The following SLCO2A1 variants were observed in gnomAD, a reference collection of about 807,000 sequenced individuals.
SLCO2A1 encodes solute carrier organic anion transporter family member 2A1.
In SLCO2A1, 60 loss-of-function variants were observed where a neutral mutation model predicts 71.7. That is an observed-to-expected ratio of 0.84 (90% CI 0.68 to 1.04). SLCO2A1 has a LOEUF of 1.04. Among genes scored for constraint, SLCO2A1 ranks in the 50% least tolerant of loss-of-function variants. The probability of loss-of-function intolerance (pLI) is 0.00; values close to 1 mark genes in which losing one functional copy is unlikely to be tolerated. For missense variants in SLCO2A1, 745 were observed against 813.4 expected (o/e 0.92, Z 1.02); for synonymous variants, 308 against 326.7 (o/e 0.94, Z 0.62).
Position 133,941,759 on chromosome 3 carries a change from G to C in SLCO2A1, c.1625+846C>G, listed in dbSNP as rs1257347909. Among the ~76,000 whole-genome samples, 4 of 152,006 alleles carry C rather than the reference G, an allele frequency of 2.6e-5. No homozygotes were observed. The East Asian group carries it at 7.7e-4, about 29-fold the overall frequency. On this transcript the variant is annotated intron_variant, in intron 11 of 13. Coordinates refer to ENST00000310926, the MANE Select transcript of SLCO2A1 (RefSeq NM_005630.3). ...TTGGTCCTGGAGCCAATCATACCAG[G>C]ATTTTCTCATTTTCATCCTTTTCCA... is the stretch of plus-strand genomic sequence containing the variant.
intron 1 of SLCO2A1, among the ~76,000 whole-genome samples, chr3:134,023,176 C>T (rs924447587): frequency 1.1e-4 from 17 of 152,200 alleles, no homozygotes; most frequent in South Asian, 8.3e-4. Flanking sequence ...TCATTACACC[C>T]GAGTCAAGAA....
At chr3:134,021,025 C>T (rs150505838) in intron 1 of SLCO2A1, among the ~76,000 whole-genome samples, 1,859 of 152,320 alleles carry the variant, frequency 0.012, 42 homozygotes, top group African/African-American at 0.041. Context: ...ATGCCTGTAC[C>T]GGCACTTTGG....
chr3:133,936,957 CT>C (rs936740017), intron 12 of SLCO2A1, among the ~76,000 whole-genome samples: 1 of 151,990 alleles, frequency 6.6e-6, no homozygotes, highest in Non-Finnish European at 1.5e-5. Flanking sequence ...ATAGGAAGTC[CT>C]TTTTTTTACC....
Position 133,942,666 on chromosome 3 carries a change from T to G in SLCO2A1, c.1564A>C (p.Ile522Leu), listed in dbSNP as rs781349828. ...AHFLLPAIFL[I>L]SFVSLIACIS... ...CAGGCTATCAGGGACACGAAGGAGATGAGGAAGATGGCCGGGAGCAGGAAG... is the reference window on the plus strand; with the variant it reads ...CAGGCTATCAGGGACACGAAGGAGAGGAGGAAGATGGCCGGGAGCAGGAAG... The change falls in exon 11 of 14, where the codon ATC (isoleucine) becomes CTC (leucine). Residue 522 changes from isoleucine to leucine, a missense_variant. Physicochemically the swap from Ile to Leu is conservative, Grantham distance 5. Transcript: ENST00000310926. The G allele has an allele frequency of 1.2e-6, 2 of 1,613,150 alleles. No homozygotes were observed. Among genetic ancestry groups the G allele is most frequent in the Non-Finnish European group, 1.7e-6 (2 of 1,179,682 alleles).
At chr3:133,938,384 A>G (rs781203477) in intron 12 of SLCO2A1, 45 bp downstream of exon 12, 3 of 1,564,892 alleles carry the variant, frequency 1.9e-6, no homozygotes, top group Non-Finnish European at 1.8e-6. Context: ...CAGATGCCCC[A>G]TCGCCTGGGG....
Position 134,019,343 on chromosome 3 carries a change from C to T in SLCO2A1, c.96+10364G>A, listed in dbSNP as rs572020492. 1.0e-3 allele frequency among the ~76,000 whole-genome samples: 157 copies of T among 152,226 alleles called. 1 individual carries two copies. Among genetic ancestry groups the T allele is most frequent in the African/African-American group, 3.4e-3 (143 of 41,540 alleles). ...ATATAGATAAAGTACTTCCATAGTT[C>T]CTGGTACATTCATACAGCTCAAATA... On this transcript the variant is annotated intron_variant, in intron 1 of 13. Coordinates refer to ENST00000310926, the MANE Select transcript of SLCO2A1 (RefSeq NM_005630.3).
intron 1 of SLCO2A1, among the ~76,000 whole-genome samples, chr3:133,992,745 G>C (rs1407837314): frequency 2.6e-5 from 4 of 152,196 alleles, no homozygotes; most frequent in Non-Finnish European, 4.4e-5. Context: ...GCTTCAGAGA[G>C]GTGTCTGTCC....
At position 133,938,509 on chromosome 3, in the gene SLCO2A1, G is replaced by C; in HGVS notation, c.1626-16C>G. 2 of 1,613,648 alleles carry C rather than the reference G, an allele frequency of 1.2e-6. No homozygotes were observed. The highest frequency in any genetic ancestry group is 4.5e-5 in the East Asian group (2 of 44,854). On this transcript the variant is annotated splice_polypyrimidine_tract_variant and intron_variant, in intron 11 of 13. Transcript: ENST00000310926. ...GTTCACCACACTGAAAAGACAGACA[G>C]GAAATCAGCAGTGGGAGGATTCAGG...
At chr3:134,005,396 T>A (rs984399435) in intron 1 of SLCO2A1, among the ~76,000 whole-genome samples, 1 of 152,204 alleles carries the variant, frequency 6.6e-6, no homozygotes, top group African/African-American at 2.4e-5. Flanking sequence ...TTAAAGAGCA[T>A]GTAACTAGAT....
chr3:133,990,356 A>G (rs1054208836), intron 1 of SLCO2A1, among the ~76,000 whole-genome samples: 3 of 152,240 alleles, frequency 2.0e-5, no homozygotes, highest in Non-Finnish European at 4.4e-5. Flanking sequence ...GAGGGGAGAC[A>G]AATGTGTTCA....
intron 1 of SLCO2A1, among the ~76,000 whole-genome samples, chr3:133,992,413 C>T (rs756964069): frequency 7.9e-5 from 12 of 152,208 alleles, no homozygotes; most frequent in Non-Finnish European, 1.5e-4. Flanking sequence ...TAACACCAGT[C>T]ATCCTAAAAA....
chr3:134,008,581 C>T (rs1011828045), intron 1 of SLCO2A1, among the ~76,000 whole-genome samples: 1 of 152,212 alleles, frequency 6.6e-6, no homozygotes, highest in South Asian at 2.1e-4. Context: ...GGAACAGACC[C>T]CTAGTTAGCA....
chr3:133,940,452 C>G (rs1346203881), intron 11 of SLCO2A1, among the ~76,000 whole-genome samples: 2 of 152,212 alleles, frequency 1.3e-5, no homozygotes, highest in Admixed American at 6.5e-5. Context: ...AAATGATGCT[C>G]TGTTCTTCAC....
At chr3:133,987,021 G>A (rs1244865850) in intron 1 of SLCO2A1, among the ~76,000 whole-genome samples, 1 of 152,120 alleles carries the variant, frequency 6.6e-6, no homozygotes, top group Non-Finnish European at 1.5e-5. Flanking sequence ...TTTAATGACT[G>A]ACTGTGCTGT....
At chr3:133,972,851 A>G (rs752330058) in intron 3 of SLCO2A1, among the ~76,000 whole-genome samples, 13 of 152,348 alleles carry the variant, frequency 8.5e-5, no homozygotes, top group Admixed American at 2.0e-4. Context: ...GCCTACTGAA[A>G]GTAACACTAA....
chr3:134,010,144 C>T (rs190222971), intron 1 of SLCO2A1, among the ~76,000 whole-genome samples: 1 of 152,322 alleles, frequency 6.6e-6, no homozygotes, highest in African/African-American at 2.4e-5. Flanking sequence ...CATGTGTGTC[C>T]TAATGAAATG....
intron 1 of SLCO2A1, among the ~76,000 whole-genome samples, chr3:134,017,803 A>G (rs1416327462): frequency 6.6e-6 from 1 of 152,218 alleles, no homozygotes; most frequent in African/African-American, 2.4e-5. Flanking sequence ...GACCCCCTCC[A>G]TTCCTCTGCA....
rs1933844607 is a variant in SLCO2A1 at position 133,954,957 on chromosome 3, G to A, written c.625+9C>T. On this transcript the variant is annotated intron_variant, in intron 4 of 13. Transcript: ENST00000310926. ...CCTCCCCAAAGCCCTCTTCAAGCCG[G>A]TGACTCACAGATGTACAGGGGCGAG... The A allele has an allele frequency of 1.9e-6, 3 of 1,610,920 alleles. No individual in the cohort carries two copies. Among genetic ancestry groups the A allele is most frequent in the African/African-American group, 1.3e-5 (1 of 74,852 alleles).
intron 1 of SLCO2A1, among the ~76,000 whole-genome samples, chr3:134,025,776 T>C (rs769780855): frequency 5.3e-5 from 8 of 152,122 alleles, no homozygotes; most frequent in Non-Finnish European, 4.4e-5. Flanking sequence ...TGATCCTCGC[T>C]GGAAAAAAGA....
Sources: allele counts gnomAD v4.1 joint callset (sites outside exome capture counted in the v4.1 genomes callset), GRCh38; gene constraint gnomAD v4.1.1; transcripts MANE v1.5; gene names NCBI Gene and HGNC (gene_info 2026-07-23, HGNC 2026-07-21).